Variants in TSG101 observed in about 807,000 individuals in gnomAD.
TSG101 encodes the protein tumor susceptibility 101, also known as tumor susceptibility gene 101 protein.
A neutral mutation model predicts 48.5 loss-of-function variants in TSG101; 19 were observed. The observed-to-expected ratio is 0.39, with a 90% CI of 0.27 to 0.58. TSG101 has a LOEUF of 0.58. Ranked by LOEUF, TSG101 falls within the 20% of genes least tolerant of loss-of-function variation. The probability of loss-of-function intolerance (pLI) is 0.55; values close to 1 mark genes in which losing one functional copy is unlikely to be tolerated. For missense variants in TSG101, 365 were observed against 484.4 expected (o/e 0.75, Z 2.31); for synonymous variants, 174 against 169.4 (o/e 1.03, Z -0.21).
At chr11:18,480,830 T>C (rs1191665009) in intron 9 of TSG101, among the ~76,000 whole-genome samples, 195 bp from the exon 10 acceptor site, 1 of 152,214 alleles carries the variant, frequency 6.6e-6, no homozygotes, top group Non-Finnish European at 1.5e-5. Flanking sequence ...AAGCATTACA[T>C]TGCAGGATCT....
chr11:18,483,963 C>T lies in TSG101; in HGVS notation c.750G>A (p.Gln250=), dbSNP rs200125110. 158 of 1,614,094 alleles carry T rather than the reference C, an allele frequency of 9.8e-5. 1 individual carries two copies. The highest frequency in any genetic ancestry group is 2.7e-5 in the Non-Finnish European group (32 of 1,180,056). ...WRMKEEMDRA[Q]AELNALKRTE... ...TTCGTTTCAAGGCATTGAGCTCTGC[C>T]TGGGCACGATCCATTTCCTCCTTCA... is the stretch of plus-strand genomic sequence containing the variant. Residue 250 remains glutamine (Q), a synonymous_variant, in exon 8 of 10, where the codon CAG becomes CAA. Coordinates refer to ENST00000251968, the MANE Select transcript of TSG101 (RefSeq NM_006292.4).
intron 7 of TSG101, among the ~76,000 whole-genome samples, chr11:18,492,307 T>C (rs1418987528): frequency 6.6e-6 from 1 of 152,228 alleles, no homozygotes; most frequent in Non-Finnish European, 1.5e-5. Context: ...GCAACAGTGG[T>C]GGTATTCCAT....
At chr11:18,510,671 C>T (rs1336626388) in intron 4 of TSG101, among the ~76,000 whole-genome samples, 1 of 152,122 alleles carries the variant, frequency 6.6e-6, no homozygotes. Context: ...TTGCAGCATG[C>T]ATAATTTTAA....
At chr11:18,496,677 T>G (rs1222002270) in intron 7 of TSG101, among the ~76,000 whole-genome samples, 1 of 151,854 alleles carries the variant, frequency 6.6e-6, no homozygotes, top group Non-Finnish European at 1.5e-5. Flanking sequence ...GTGTCTACAG[T>G]CCTAGCTACT....
intron 6 of TSG101, 75 bp downstream of exon 6, chr11:18,506,782 T>G: frequency 7.9e-7 from 1 of 1,267,204 alleles, no homozygotes; most frequent in Admixed American, 2.3e-5. Flanking sequence ...AATGCCCTAA[T>G]TAGCAAATTA....
chr11:18,499,947 TTCTA>T (rs1463800556), intron 7 of TSG101, among the ~76,000 whole-genome samples: 2 of 152,176 alleles, frequency 1.3e-5, no homozygotes, highest in East Asian at 1.9e-4. Flanking sequence ...AACTTATTCC[TTCTA>T]TCTAACTGTA....
intron 7 of TSG101, among the ~76,000 whole-genome samples, chr11:18,499,290 ATATTTATATTTATATATT>A: frequency 8.8e-6 from 1 of 113,216 alleles, no homozygotes; most frequent in South Asian, 3.0e-4. Context: ...TATATCATAT[ATATTTATATTTATATATT>A]TATTTATATA....
chr11:18,484,841 T>G (rs1849594204), intron 7 of TSG101, among the ~76,000 whole-genome samples: 1 of 152,022 alleles, frequency 6.6e-6, no homozygotes, highest in Non-Finnish European at 1.5e-5. Flanking sequence ...TTGTCCCAAA[T>G]CAGCAAATGT....
intron 7 of TSG101, among the ~76,000 whole-genome samples, chr11:18,492,023 AG>A (rs1192091735): frequency 6.6e-6 from 1 of 152,258 alleles, no homozygotes; most frequent in Non-Finnish European, 1.5e-5. Context: ...AGTCCTTTAA[AG>A]AAAGTGAAAA....
At chr11:18,502,670 T>C (rs1247933454) in intron 6 of TSG101, 93 bp from the exon 7 acceptor site, 6 of 911,668 alleles carry the variant, frequency 6.6e-6, no homozygotes, top group Non-Finnish European at 1.0e-5. Context: ...GCTTGACATA[T>C]GGTTGTTTTA....
intron 6 of TSG101, among the ~76,000 whole-genome samples, chr11:18,503,531 C>G (rs1170029401): frequency 6.6e-6 from 1 of 152,058 alleles, no homozygotes; most frequent in African/African-American, 2.4e-5. Context: ...CGCCACCACA[C>G]CCGGCTAATT....
intron 5 of TSG101, among the ~76,000 whole-genome samples, chr11:18,507,356 A>G (rs1255155255): frequency 2.6e-5 from 4 of 152,226 alleles, no homozygotes; most frequent in African/African-American, 7.2e-5. Flanking sequence ...TTGTTGGTTT[A>G]AAGACTTCAA....
chr11:18,483,744 A>G lies in TSG101; in HGVS notation c.843+126T>C, dbSNP rs1849580418. 8.2e-6 allele frequency: 8 copies of G among 977,108 alleles called. No homozygotes were observed. The East Asian group carries it at 1.9e-4, about 24-fold the overall frequency. 60.5% of individuals were successfully genotyped at this position (977,108 alleles called of 1,614,324 possible). A position where few individuals can be genotyped will look rare whatever the true frequency, so the allele number is the denominator to read the frequency against. On this transcript the variant is annotated intron_variant, in intron 8 of 9. Transcript: ENST00000251968. Reference sequence around the variant, plus strand: ...ACAAAGGTATAAAAAATTACATTCAAATGTTTAAAGATGCCTATAATTTTC... The same window carrying G: ...ACAAAGGTATAAAAAATTACATTCAGATGTTTAAAGATGCCTATAATTTTC...
chr11:18,481,037 GGCTCCA>G (rs895195858), intron 9 of TSG101, among the ~76,000 whole-genome samples: 5 of 152,132 alleles, frequency 3.3e-5, no homozygotes, highest in African/African-American at 1.2e-4. Context: ...GACCTGACCA[GGCTCCA>G]GCTACAGCTG....
chr11:18,486,061 T>TTC (rs1849614914), intron 7 of TSG101, among the ~76,000 whole-genome samples: 1 of 152,238 alleles, frequency 6.6e-6, no homozygotes, highest in Non-Finnish European at 1.5e-5. Flanking sequence ...TCTGAGCCTG[T>TTC]AAGAAGCCGC....
intron 1 of TSG101, among the ~76,000 whole-genome samples, chr11:18,522,958 C>T (rs1218191702): frequency 2.0e-5 from 3 of 152,180 alleles, no homozygotes; most frequent in African/African-American, 7.2e-5. Flanking sequence ...GGTGTGATCA[C>T]AGCTCACTGC....
At chr11:18,508,514 G>A (rs922769014) in intron 5 of TSG101, 7 of 151,990 alleles carry the variant, frequency 4.6e-5, no homozygotes, top group East Asian at 3.9e-4. Flanking sequence ...TCAAACTTAA[G>A]CAAGATACTC....
At chr11:18,495,359 C>A (rs1263722890) in intron 7 of TSG101, among the ~76,000 whole-genome samples, 1 of 152,208 alleles carries the variant, frequency 6.6e-6, no homozygotes, top group East Asian at 1.9e-4. Context: ...AGCTATAAAT[C>A]AACTACAATC....
At position 18,525,630 on chromosome 11, in the gene TSG101, G is replaced by A. The variant is rs192896861; in HGVS notation, c.42+1145C>T. Reference sequence around the variant, plus strand: ...CAATATACCGTTTTTTTCAAAAAGTGATATATAAAAGTTACAACATGGATC... The same window carrying A: ...CAATATACCGTTTTTTTCAAAAAGTAATATATAAAAGTTACAACATGGATC... On this transcript the variant is annotated intron_variant, in intron 1 of 9. Coordinates refer to ENST00000251968, the MANE Select transcript of TSG101 (RefSeq NM_006292.4). The A allele has an allele frequency of 4.2e-6, 4 of 962,524 alleles. No homozygotes were observed. The African/African-American group carries it at 7.1e-5, about 17-fold the overall frequency. The allele number at this position is 962,524 out of a possible 1,614,324, so 59.6% of individuals were successfully genotyped here.
Sources: gnomAD v4.1 joint callset for allele counts (sites outside exome capture counted in the v4.1 genomes callset) on GRCh38, gnomAD v4.1.1 for gene constraint, MANE v1.5 for transcripts, NCBI Gene and HGNC (gene_info 2026-07-23, HGNC 2026-07-21) for gene names.